ADGRG6: variants seen among roughly 807,000 people sequenced by gnomAD.
The protein encoded by ADGRG6 is G-protein coupled receptor 126.
Under a neutral mutation model 142.4 loss-of-function variants are expected in ADGRG6, and 84 were observed. That is an observed-to-expected ratio of 0.59 (90% confidence interval 0.49 to 0.71). ADGRG6 has a LOEUF of 0.71. ADGRG6 is among the 30% of genes least tolerant of loss of function. ADGRG6 has a pLI of 0.00. For missense variants in ADGRG6, 1,367 were observed against 1,466.6 expected (o/e 0.93, Z 1.11); for synonymous variants, 521 against 520.5 (o/e 1.00, Z -0.01).
chr6:142,418,748 G>A (rs1267198969), intron 21 of ADGRG6, among the ~76,000 whole-genome samples: 2 of 152,114 alleles, frequency 1.3e-5, no homozygotes, highest in African/African-American at 2.4e-5. Flanking sequence ...TGGAGGTTAT[G>A]TTCCAACATG....
chr6:142,379,090 A>G (rs961875011), intron 4 of ADGRG6, among the ~76,000 whole-genome samples: 10 of 152,182 alleles, frequency 6.6e-5, no homozygotes, highest in African/African-American at 2.4e-4. Flanking sequence ...TCTAGGTGTC[A>G]CACAGGCACC....
At chr6:142,364,124 G>A (rs1780841336) in intron 2 of ADGRG6, among the ~76,000 whole-genome samples, 1 of 151,632 alleles carries the variant, frequency 6.6e-6, no homozygotes, top group Non-Finnish European at 1.5e-5. Flanking sequence ...ATCTATATTA[G>A]CCTCATTTGT....
intron 18 of ADGRG6, among the ~76,000 whole-genome samples, chr6:142,412,008 A>G (rs1562376301): frequency 6.6e-6 from 1 of 152,078 alleles, no homozygotes; most frequent in Non-Finnish European, 1.5e-5. Flanking sequence ...AGGCCTCTAT[A>G]TCATTCTTTC....
chr6:142,442,592 AACT>A (rs1379844621), intron 24 of ADGRG6, among the ~76,000 whole-genome samples: 1 of 152,066 alleles, frequency 6.6e-6, no homozygotes, highest in African/African-American at 2.4e-5. Context: ...ATCATTCAGA[AACT>A]ACAAGATAAT....
At chr6:142,400,827 A>C (rs963960543) in intron 11 of ADGRG6, 4 of 426,680 alleles carry the variant, frequency 9.4e-6, no homozygotes, top group African/African-American at 8.0e-5. Flanking sequence ...TCACAGAAAA[A>C]CTGAAGAGTT....
intron 10 of ADGRG6, among the ~76,000 whole-genome samples, chr6:142,399,946 A>G (rs935806482): frequency 1.2e-4 from 18 of 152,192 alleles, no homozygotes; most frequent in African/African-American, 2.9e-4. Context: ...AGGATAAAGA[A>G]GTCTGAGAGT....
chr6:142,423,658 T>C (rs1302726269), intron 22 of ADGRG6, among the ~76,000 whole-genome samples: 5 of 131,592 alleles, frequency 3.8e-5, no homozygotes, highest in Admixed American at 7.9e-5. Flanking sequence ...TGCGGGCTCT[T>C]TTTTGGTTCC....
intron 2 of ADGRG6, among the ~76,000 whole-genome samples, chr6:142,320,328 T>G (rs1210032381): frequency 1.3e-5 from 2 of 152,110 alleles, no homozygotes; most frequent in Admixed American, 1.3e-4. Flanking sequence ...ATTAAAAACT[T>G]AAATCTATGT....
chr6:142,388,970 G>A (rs1438202415), intron 6 of ADGRG6, among the ~76,000 whole-genome samples: 2 of 151,932 alleles, frequency 1.3e-5, no homozygotes, highest in African/African-American at 4.8e-5. Flanking sequence ...TGTTTTATAT[G>A]TTCCTCCAAA....
intron 2 of ADGRG6, among the ~76,000 whole-genome samples, chr6:142,313,932 T>C (rs1349586870): frequency 6.6e-6 from 1 of 152,156 alleles, no homozygotes; most frequent in East Asian, 1.9e-4. Context: ...TAAGTGTGTC[T>C]TAAAGGTCAA....
At chr6:142,371,836 C>T (rs1003010640) in intron 4 of ADGRG6, among the ~76,000 whole-genome samples, 6 of 152,170 alleles carry the variant, frequency 3.9e-5, no homozygotes, top group African/African-American at 1.4e-4. Flanking sequence ...TGATCTATAT[C>T]ATCCTGGAAT....
intron 18 of ADGRG6, among the ~76,000 whole-genome samples, chr6:142,413,043 A>ATATATATG (rs1429939451): frequency 6.6e-6 from 1 of 151,866 alleles, no homozygotes; most frequent in East Asian, 1.9e-4. Flanking sequence ...ATATATATAT[A>ATATATATG]TGTGAAGATA....
intron 2 of ADGRG6, among the ~76,000 whole-genome samples, chr6:142,356,057 C>T (rs976333603): frequency 1.7e-4 from 26 of 152,118 alleles, no homozygotes; most frequent in African/African-American, 5.1e-4. Context: ...CATACATTGC[C>T]TCACCCCCAG....
At chr6:142,358,733 C>T (rs1024331903) in intron 2 of ADGRG6, among the ~76,000 whole-genome samples, 4 of 151,930 alleles carry the variant, frequency 2.6e-5, no homozygotes, top group South Asian at 2.1e-4. Flanking sequence ...GGTGAAATCC[C>T]GTCTCCACTA....
chr6:142,321,304 C>T (rs1250193668), intron 2 of ADGRG6, among the ~76,000 whole-genome samples: 1 of 151,468 alleles, frequency 6.6e-6, no homozygotes, highest in Admixed American at 6.6e-5. Flanking sequence ...CACACACACA[C>T]ACACACACGT....
intron 18 of ADGRG6, among the ~76,000 whole-genome samples, chr6:142,413,313 C>G (rs1776186199): frequency 6.6e-6 from 1 of 152,080 alleles, no homozygotes; most frequent in African/African-American, 2.4e-5. Flanking sequence ...AAACAATGCA[C>G]CTCATACCTA....
intron 7 of ADGRG6, among the ~76,000 whole-genome samples, chr6:142,391,297 T>C (rs761177356): frequency 3.3e-5 from 5 of 151,718 alleles, no homozygotes; most frequent in Non-Finnish European, 7.4e-5. Flanking sequence ...ATAATGCTGT[T>C]ACAGTTCAAA....
chr6:142,323,828 A>G (rs905726979), intron 2 of ADGRG6, among the ~76,000 whole-genome samples: 1 of 152,036 alleles, frequency 6.6e-6, no homozygotes, highest in African/African-American at 2.4e-5. Flanking sequence ...GCCCACTATC[A>G]TATATTTGGT....
rs1283667196 is a variant in ADGRG6 at position 142,429,918 on chromosome 6, T to C, written c.3320-7516T>C. Among the ~76,000 whole-genome samples, 4 of 152,032 alleles carry C rather than the reference T, an allele frequency of 2.6e-5. No individual in the cohort carries two copies. In the East Asian group the frequency reaches 7.7e-4, roughly 29 times the overall value. ...ATAAAAATAGAAAAATTAGGTGTAG[T>C]GGTGTGGCTGTATTCCTAGTTACTC... On this transcript the variant is annotated intron_variant, in intron 22 of 24. Transcript: ENST00000367609.
Sources: gnomAD v4.1 joint callset for allele counts (sites outside exome capture counted in the v4.1 genomes callset) on GRCh38, gnomAD v4.1.1 for gene constraint, MANE v1.5 for transcripts, NCBI Gene and HGNC (gene_info 2026-07-23, HGNC 2026-07-21) for gene names.